Variants in PGS1 observed in about 807,000 individuals in gnomAD.
PGS1 encodes the protein CDP-diacylglycerol--glycerol-3-phosphate 3-phosphatidyltransferase, mitochondrial.
A neutral mutation model predicts 58.3 loss-of-function variants in PGS1; 44 were observed. The ratio of observed to expected loss-of-function variants is 0.75; its 90% CI spans 0.59 to 0.97. The LOEUF (loss-of-function observed/expected upper bound fraction) is 0.97, where lower values mean the gene tolerates loss of function less well. Among genes scored for constraint, PGS1 ranks in the 50% least tolerant of loss-of-function variants. The pLI, the probability that PGS1 is intolerant of heterozygous loss-of-function variation, is 0.00. For missense variants in PGS1, 684 were observed against 731.1 expected, an observed-to-expected ratio of 0.94 and a Z score of 0.74; for synonymous variants, 330 against 311.0, an observed-to-expected ratio of 1.06 and a Z score of -0.64.
Position 78,419,610 on chromosome 17 carries a change from G to T in PGS1, c.1616G>T (p.Arg539Leu), listed in dbSNP as rs776646232. ...VSSATFEQPS[R>L]QVKLWVKMVT... Reference sequence around the variant, plus strand: ...TCTGCCACCTTCGAGCAGCCGAGTCGCCAGGTGAAGCTGTGGGTGAAGATG... The same window carrying T: ...TCTGCCACCTTCGAGCAGCCGAGTCTCCAGGTGAAGCTGTGGGTGAAGATG... Residue 539 changes from arginine to leucine, a missense_variant, in exon 9 of 10, where the codon CGC becomes CTC. Transcript: ENST00000262764. The T allele has an allele frequency of 1.9e-6, 3 of 1,613,976 alleles. No homozygotes were observed. The Admixed American group carries it at 5.0e-5, about 27-fold the overall frequency.
intron 1 of PGS1, among the ~76,000 whole-genome samples, chr17:78,391,136 T>A (rs975403724): frequency 6.6e-6 from 1 of 152,006 alleles, no homozygotes; most frequent in Non-Finnish European, 1.5e-5. Flanking sequence ...TTAGTAGAGA[T>A]GGGGTTTCAC....
chr17:78,423,761 G>C (rs112488587), intron 9 of PGS1: 34 of 1,080,652 alleles, frequency 3.1e-5, no homozygotes, highest in African/African-American at 9.4e-5. Context: ...CTCTGGTTCC[G>C]ATGTGCTTGG....
At chr17:78,389,443 C>T (rs551613897) in intron 1 of PGS1, among the ~76,000 whole-genome samples, 12 of 151,990 alleles carry the variant, frequency 7.9e-5, no homozygotes, top group African/African-American at 2.9e-4. Context: ...CCTTGGCCTC[C>T]CAAAGTGCTG....
chr17:78,415,084 G>T, intron 8 of PGS1, 57 bp downstream of exon 8: 2 of 1,594,004 alleles, frequency 1.3e-6, no homozygotes, highest in Non-Finnish European at 1.7e-6. Context: ...GGGGGCCCAG[G>T]CTCACCCGTG....
chr17:78,382,636 G>GTTTTTTTTTTTTTTTTTTTTTTTTTTTTT (rs925212152), intron 1 of PGS1: 1 of 75,132 alleles, frequency 1.3e-5, no homozygotes, highest in Non-Finnish European at 2.4e-5. Context: ...ACACAGAATG[G>GTTTTTTTTTTTTTTTTTTTTTTTTTTTTT]TTTTTTTTTT....
chr17:78,423,694 A>G (rs2086186573), intron 9 of PGS1: 2 of 603,414 alleles, frequency 3.3e-6, no homozygotes, highest in South Asian at 2.0e-5. Context: ...GGATGGGCAC[A>G]GCTGAGTGGC....
chr17:78,398,852 T>C (rs1455483857), intron 4 of PGS1, among the ~76,000 whole-genome samples: 1 of 152,214 alleles, frequency 6.6e-6, no homozygotes, highest in Non-Finnish European at 1.5e-5. Context: ...TGTCTCCCCA[T>C]GACACCTTGT....
intron 9 of PGS1, 167 bp from the exon 10 acceptor site, chr17:78,423,894 G>A (rs781607423): frequency 5.6e-6 from 9 of 1,613,520 alleles, no homozygotes; most frequent in South Asian, 5.5e-5. Flanking sequence ...TGGGCTGTGA[G>A]GCAGGAGCGA....
At chr17:78,397,036 AAGGGCTGGTGT>A (rs2083278000) in intron 3 of PGS1, among the ~76,000 whole-genome samples, 1 of 152,200 alleles carries the variant, frequency 6.6e-6, no homozygotes, top group Non-Finnish European at 1.5e-5. Flanking sequence ...TCGTTCTGCC[AAGGGCTGGTGT>A]CAAGTGCCAG....
Position 78,413,846 on chromosome 17 carries a change from C to G in PGS1, c.1403-1033C>G, listed in dbSNP as rs143064460. 3.3e-3 allele frequency among the ~76,000 whole-genome samples: 498 copies of G among 152,350 alleles called. 3 individuals are homozygous for G. Among genetic ancestry groups the G allele is most frequent in the African/African-American group, 0.011 (463 of 41,574 alleles). The stretch of plus-strand genomic sequence containing the variant: ...GGGCGCAAAACTGTGCTTGTCATCT[C>G]AGGTAACACGTCAGTATTCTGAGGA... On this transcript the variant is annotated intron_variant, in intron 7 of 9. Coordinates refer to ENST00000262764, the MANE Select transcript of PGS1 (RefSeq NM_024419.5).
rs760374852 is a variant in PGS1, at chr17:78,414,899, G to A, written c.1423G>A (p.Gly475Arg). 2.5e-6 allele frequency: 4 copies of A among 1,614,172 alleles called. No homozygotes were observed. In the South Asian group the frequency reaches 3.3e-5, roughly 13 times the overall value. Residue 475 changes from glycine (G) to arginine (R), a missense_variant, in exon 8 of 10, where the codon GGG becomes AGG. Coordinates refer to ENST00000262764, the MANE Select transcript of PGS1 (RefSeq NM_024419.5). ...CGCAGGCCTCTGGCTGTACCTGGCA[G>A]GGAGCAGCCTGCCCTGTCTCACGCT... The part of the protein sequence containing the change: ...HAKGLWLYLA[G>R]SSLPCLTLIG...
rs193166918 is a variant in PGS1, at chr17:78,387,540, A to C, written c.144-4936A>C. Among the ~76,000 whole-genome samples the C allele has an allele frequency of 9.9e-3, 1,414 of 142,596 alleles. 15 individuals carry two copies. Among genetic ancestry groups the C allele is most frequent in the Middle Eastern group, 0.022 (5 of 224 alleles). The allele number at this position is 142,596 out of a possible 152,430, so 93.5% of individuals were successfully genotyped here. A position where few individuals can be genotyped will look rare whatever the true frequency, so the allele number is the denominator to read the frequency against. ...TCTTGAACTCCTGACCTCAGGTGAT[A>C]TGCCCGCCTTGGCCTCCCAAAGTGT... On this transcript the variant is annotated intron_variant, in intron 1 of 9. Transcript: ENST00000262764.
chr17:78,401,398 C>A (rs538776734), intron 6 of PGS1, among the ~76,000 whole-genome samples: 1 of 152,320 alleles, frequency 6.6e-6, no homozygotes, highest in South Asian at 2.1e-4. Flanking sequence ...GCTCTGTGGC[C>A]CCCTGCCTGG....
intron 1 of PGS1, among the ~76,000 whole-genome samples, chr17:78,380,490 G>A (rs988793752): frequency 1.4e-4 from 22 of 152,224 alleles, no homozygotes; most frequent in Non-Finnish European, 3.1e-4. Flanking sequence ...TAGGTTTCAC[G>A]TTGGTGAACC....
chr17:78,414,412 A>AGGG (rs1198290739), intron 7 of PGS1, among the ~76,000 whole-genome samples: 3 of 152,168 alleles, frequency 2.0e-5, no homozygotes, highest in Admixed American at 1.3e-4. Flanking sequence ...GCTCACAGGA[A>AGGG]GGGATGGCCA....
chr17:78,401,452 G>C (rs2083655833), intron 6 of PGS1, among the ~76,000 whole-genome samples: 2 of 152,202 alleles, frequency 1.3e-5, no homozygotes. Context: ...CTGGAACCAG[G>C]CAGGTTCTGG....
At position 78,399,532 on chromosome 17, in the gene PGS1, G is replaced by A. The variant is rs564922570; in HGVS notation, c.696G>A (p.Leu232=). The change falls in exon 5 of 10, where the codon TTG becomes TTA. Residue 232 remains leucine (L), a synonymous_variant. Coordinates refer to ENST00000262764, the MANE Select transcript of PGS1 (RefSeq NM_024419.5). ...ACCTCTTCGACAACAGCGTCATCTTGAGCGGGTGAGTGCTTCCCACCGTCA... is the reference window on the plus strand; with the variant it reads ...ACCTCTTCGACAACAGCGTCATCTTAAGCGGGTGAGTGCTTCCCACCGTCA... The part of the protein sequence containing the change: ...KVYLFDNSVI[L]SGANLSDSYF... 3 of 1,614,128 alleles carry A rather than the reference G, an allele frequency of 1.9e-6. No individual in the cohort carries two copies. Among genetic ancestry groups the A allele is most frequent in the Non-Finnish European group, 2.5e-6 (3 of 1,180,022 alleles).
intron 2 of PGS1, among the ~76,000 whole-genome samples, chr17:78,393,937 A>G (rs2083020590): frequency 6.6e-6 from 1 of 151,788 alleles, no homozygotes; most frequent in South Asian, 2.1e-4. Context: ...TAATCCCAGC[A>G]CTTTGGGAGG....
In PGS1 at chr17:78,397,676, G is replaced by A. The variant is rs1024644355; in HGVS notation, c.412-576G>A. ...TCTTAAACTCCTGACCTTGGGTGAT[G>A]TGCCCACCTTGGCCTCCCAAAGTGC... On this transcript the variant is annotated intron_variant, in intron 3 of 9. Transcript: ENST00000262764. Among the ~76,000 whole-genome samples the A allele has an allele frequency of 4.6e-5, 7 of 152,172 alleles. 1 individual carries two copies. The highest frequency in any genetic ancestry group is 6.8e-3 in the Middle Eastern group (2 of 294).
Sources: allele counts gnomAD v4.1 joint callset (sites outside exome capture counted in the v4.1 genomes callset), GRCh38; gene constraint gnomAD v4.1.1; transcripts MANE v1.5; gene names NCBI Gene and HGNC (gene_info 2026-07-23, HGNC 2026-07-21).